The following ANKRD44 variants were observed in gnomAD, a reference collection of about 807,000 sequenced individuals.
ANKRD44 encodes serine/threonine-protein phosphatase 6 regulatory ankyrin repeat subunit B.
A neutral mutation model predicts 116.0 loss-of-function variants in ANKRD44; 35 were observed. The observed-to-expected ratio is 0.30, with a 90% CI of 0.23 to 0.40. The LOEUF (loss-of-function observed/expected upper bound fraction) is 0.40, where lower values mean the gene tolerates loss of function less well. ANKRD44 is among the 10% of genes least tolerant of loss of function. The pLI is 1.00. For missense variants in ANKRD44, 1,014 were observed against 1,242.6 expected (o/e 0.82, Z 2.77); for synonymous variants, 435 against 461.8 (o/e 0.94, Z 0.74).
chr2:197,292,338 G>A (rs181230253), intron 1 of ANKRD44, among the ~76,000 whole-genome samples: 539 of 152,194 alleles, frequency 3.5e-3, no homozygotes, highest in Non-Finnish European at 5.9e-3. Context: ...CAGCACCTGC[G>A]GTTTCCTGAC....
intron 1 of ANKRD44, among the ~76,000 whole-genome samples, chr2:197,299,181 C>CT (rs961528598): frequency 1.2e-3 from 173 of 149,050 alleles, no homozygotes; most frequent in East Asian, 2.0e-3. Context: ...TCCTCTCCAT[C>CT]TTTTTTTTTT....
intron 22 of ANKRD44, among the ~76,000 whole-genome samples, 196 bp from the exon 23 acceptor site, chr2:197,000,698 G>C (rs1162069932): frequency 6.6e-6 from 1 of 152,198 alleles, no homozygotes; most frequent in African/African-American, 2.4e-5. Context: ...TATCCAGGTA[G>C]AAGTTTATTG....
chr2:197,107,350 G>A (rs1032370453), intron 9 of ANKRD44, among the ~76,000 whole-genome samples: 2 of 152,210 alleles, frequency 1.3e-5, no homozygotes, highest in Non-Finnish European at 2.9e-5. Flanking sequence ...GACGGCATCT[G>A]AGGGGGGTGC....
chr2:197,099,292 G>A (rs1324034722), intron 10 of ANKRD44, among the ~76,000 whole-genome samples: 1 of 151,910 alleles, frequency 6.6e-6, no homozygotes, highest in Admixed American at 6.6e-5. Context: ...AATTATGAGC[G>A]CCTTGAAACT....
chr2:197,136,507 A>C, intron 4 of ANKRD44, 85 bp downstream of exon 4: 1 of 1,289,564 alleles, frequency 7.8e-7, no homozygotes, highest in Non-Finnish European at 1.1e-6. Flanking sequence ...CCTTCTGCTT[A>C]CCAGTAAGGA....
chr2:197,065,514 T>G (rs1318144026), intron 16 of ANKRD44, among the ~76,000 whole-genome samples: 1 of 152,160 alleles, frequency 6.6e-6, no homozygotes, highest in East Asian at 1.9e-4. Flanking sequence ...ATCCAGGAGC[T>G]GGTTTTTTGA....
At chr2:197,275,576 G>T (rs936269753) in intron 1 of ANKRD44, among the ~76,000 whole-genome samples, 1 of 152,050 alleles carries the variant, frequency 6.6e-6, no homozygotes, top group African/African-American at 2.4e-5. Flanking sequence ...TTGGGGGGGT[G>T]GGCAACCTGC....
chr2:197,092,951 T>C (rs1205273660), intron 10 of ANKRD44, among the ~76,000 whole-genome samples: 1 of 152,190 alleles, frequency 6.6e-6, no homozygotes, highest in African/African-American at 2.4e-5. Context: ...TTTGGGAATT[T>C]AAGGCAAAAC....
chr2:197,288,345 A>C (rs961982012), intron 1 of ANKRD44, among the ~76,000 whole-genome samples: 2 of 152,232 alleles, frequency 1.3e-5, no homozygotes, highest in Non-Finnish European at 1.5e-5. Flanking sequence ...GAGGATGCAG[A>C]GAAAAGGAAA....
At chr2:197,195,157 T>A (rs996750776) in intron 1 of ANKRD44, among the ~76,000 whole-genome samples, 2 of 152,108 alleles carry the variant, frequency 1.3e-5, no homozygotes, top group Non-Finnish European at 2.9e-5. Context: ...TTTTAATATT[T>A]TTTTGTGGAG....
chr2:197,139,293 G>A (rs1430125004), intron 3 of ANKRD44, among the ~76,000 whole-genome samples: 2 of 152,166 alleles, frequency 1.3e-5, no homozygotes, highest in Non-Finnish European at 2.9e-5. Context: ...GGATAACGAC[G>A]TTGTGGTATA....
intron 1 of ANKRD44, among the ~76,000 whole-genome samples, chr2:197,206,519 C>T (rs2081210052): frequency 6.6e-6 from 1 of 152,072 alleles, no homozygotes; most frequent in Non-Finnish European, 1.5e-5. Context: ...CCCATCTCTA[C>T]TAAAAATACA....
intron 16 of ANKRD44, among the ~76,000 whole-genome samples, chr2:197,073,073 C>T (rs1035624471): frequency 1.4e-4 from 22 of 152,204 alleles, no homozygotes; most frequent in Admixed American, 9.8e-4. Context: ...ACATGGCTGA[C>T]TTCTCTGTTC....
chr2:197,046,411 G>A (rs1249982212), intron 16 of ANKRD44, among the ~76,000 whole-genome samples: 1 of 152,006 alleles, frequency 6.6e-6, no homozygotes, highest in Non-Finnish European at 1.5e-5. Context: ...TTTAGGTGTG[G>A]TGCACGCAGA....
At chr2:197,013,220 T>G (rs1319142152) in intron 18 of ANKRD44, among the ~76,000 whole-genome samples, 1 of 152,228 alleles carries the variant, frequency 6.6e-6, no homozygotes, top group Non-Finnish European at 1.5e-5. Flanking sequence ...TAACTTGTTC[T>G]GAAGATTGCA....
rs993674040 is a variant in ANKRD44, at chr2:196,989,117, G to C, written c.*474C>G. 1.0e-6 allele frequency: 1 copy of C among 985,042 alleles called. No individual in the cohort carries two copies. The highest frequency in any genetic ancestry group is 1.8e-5 in the African/African-American group (1 of 57,056). The allele number at this position is 985,042 out of a possible 1,614,324, so 61.0% of individuals were successfully genotyped here. ...CCCTTGGGCTTTTGGCTAGCCCAGGGTCAAGTGTTTTTTTTTTCACTTTTT... is the reference window on the plus strand; with the variant it reads ...CCCTTGGGCTTTTGGCTAGCCCAGGCTCAAGTGTTTTTTTTTTCACTTTTT... On this transcript the variant is annotated 3_prime_UTR_variant, in exon 28 of 28. Transcript: ENST00000282272.
intron 1 of ANKRD44, among the ~76,000 whole-genome samples, chr2:197,300,710 G>A (rs1372458713): frequency 4.0e-5 from 6 of 149,860 alleles, no homozygotes; most frequent in Admixed American, 4.0e-4. Flanking sequence ...GACTCCCAGA[G>A]TCATGCGACC....
chr2:197,001,702 G>GTAGAA lies in ANKRD44; in HGVS notation c.2435+50_2435+51insTTCTA, dbSNP rs1227260417. On this transcript the variant is annotated intron_variant, in intron 22 of 27. Transcript: ENST00000282272. ...TCCCTACAAAGCAACTTTTCTATGTGTAGTTAAAATCATTAAAGCAACATC... is the reference window on the plus strand; with the variant it reads ...TCCCTACAAAGCAACTTTTCTATGTGTAGAATAGTTAAAATCATTAAAGCAACATC... 1.5e-5 allele frequency: 20 copies of GTAGAA among 1,369,700 alleles called. No homozygotes were observed. The Middle Eastern group carries it at 5.4e-4, about 37-fold the overall frequency. The allele number at this position is 1,369,700 out of a possible 1,614,324, so 84.8% of individuals were successfully genotyped here. A position where few individuals can be genotyped will look rare whatever the true frequency, so the allele number is the denominator to read the frequency against.
intron 1 of ANKRD44, among the ~76,000 whole-genome samples, chr2:197,270,495 G>A (rs545008363): frequency 3.3e-5 from 5 of 152,282 alleles, no homozygotes; most frequent in East Asian, 1.9e-4. Flanking sequence ...AGCTTTGGAC[G>A]GGGATGGAAA....
Sources: gnomAD v4.1 joint callset for allele counts (sites outside exome capture counted in the v4.1 genomes callset) on GRCh38, gnomAD v4.1.1 for gene constraint, MANE v1.5 for transcripts, NCBI Gene and HGNC (gene_info 2026-07-23, HGNC 2026-07-21) for gene names.